The following ITGA4 variants were observed in gnomAD, a reference collection of about 807,000 sequenced individuals.
The protein encoded by ITGA4 is integrin subunit alpha 4.
ITGA4 carries 63 observed loss-of-function variants against 133.6 expected under a neutral mutation model. The observed-to-expected ratio is 0.47, with a 90% CI of 0.38 to 0.58. The LOEUF (loss-of-function observed/expected upper bound fraction) is 0.58, where lower values mean the gene tolerates loss of function less well. ITGA4 is among the 20% of genes least tolerant of loss of function. ITGA4 has a pLI of 0.00. For missense variants in ITGA4, 1,076 were observed against 1,252.7 expected (o/e 0.86, Z 2.13); for synonymous variants, 483 against 438.0 (o/e 1.10, Z -1.28).
At chr2:181,474,896 AGTTTTCTCTTCT>A (rs1685638517) in intron 2 of ITGA4, 52 bp from the exon 3 acceptor site, 3 of 1,224,206 alleles carry the variant, frequency 2.5e-6, no homozygotes, top group Admixed American at 1.9e-5. Context: ...ATGAGTGCAC[AGTTTTCTCTTCT>A]TTTGTAGAAT....
At position 181,537,978 on chromosome 2, in the gene ITGA4, T is replaced by G; in HGVS notation, c.*2451T>G. The G allele has an allele frequency of 1.5e-6, 1 of 664,068 alleles. No individual in the cohort carries two copies. Among genetic ancestry groups the G allele is most frequent in the Non-Finnish European group, 2.8e-6 (1 of 354,876 alleles). 41.1% of individuals were successfully genotyped at this position (664,068 alleles called of 1,614,324 possible). A position where few individuals can be genotyped will look rare whatever the true frequency, so the allele number is the denominator to read the frequency against. On this transcript the variant is annotated 3_prime_UTR_variant, in exon 28 of 28. Coordinates refer to ENST00000397033, the MANE Select transcript of ITGA4 (RefSeq NM_000885.6). Reference sequence around the variant, plus strand: ...ATATGGTGAACTGGTATGTGAGGGATCTAGAGTGCCATGTTCCTCAAGAGA... The same window carrying G: ...ATATGGTGAACTGGTATGTGAGGGAGCTAGAGTGCCATGTTCCTCAAGAGA...
At chr2:181,488,183 A>G (rs1685963279) in intron 10 of ITGA4, among the ~76,000 whole-genome samples, 1 of 152,172 alleles carries the variant, frequency 6.6e-6, no homozygotes, top group Non-Finnish European at 1.5e-5. Context: ...TATCAAAATT[A>G]CTCTATACCT....
At position 181,537,077 on chromosome 2, in the gene ITGA4, C is replaced by T. The variant is rs1328767852; in HGVS notation, c.*1550C>T. On this transcript the variant is annotated 3_prime_UTR_variant, in exon 28 of 28. Transcript: ENST00000397033. ...ATGTAAGCACAAAACCTCCTGAACC[C>T]AGAGTGTGTATACACAGGAATAAAC... 1.6e-5 allele frequency: 7 copies of T among 446,970 alleles called. No individual in the cohort carries two copies. Among genetic ancestry groups the T allele is most frequent in the Admixed American group, 4.8e-5 (2 of 41,742 alleles). 27.7% of individuals were successfully genotyped at this position (446,970 alleles called of 1,614,324 possible).
Position 181,486,004 on chromosome 2 carries a change from T to G in ITGA4, c.1153+12T>G, listed in dbSNP as rs1265640566. ...TGATGGCTTTGAAGGTAATTAAAAT[T>G]ATCAAATTGGTACTTGATTTCTGCT... On this transcript the variant is annotated intron_variant, in intron 10 of 27. Coordinates refer to ENST00000397033, the MANE Select transcript of ITGA4 (RefSeq NM_000885.6). 6.4e-7 allele frequency: 1 copy of G among 1,571,916 alleles called. No individual in the cohort carries two copies. Among genetic ancestry groups the G allele is most frequent in the Non-Finnish European group, 8.6e-7 (1 of 1,165,630 alleles).
chr2:181,489,128 A>G (rs1685986859), intron 10 of ITGA4, among the ~76,000 whole-genome samples: 1 of 152,190 alleles, frequency 6.6e-6, no homozygotes, highest in Non-Finnish European at 1.5e-5. Context: ...GTTCATGGCA[A>G]GAAGTGTAGG....
At position 181,464,919 on chromosome 2, in the gene ITGA4, AT is replaced by A. The variant is rs926310163; in HGVS notation, c.319+6606del. Among the ~76,000 whole-genome samples the A allele has an allele frequency of 7.9e-4, 120 of 152,248 alleles. 1 individual carries two copies. The highest frequency in any genetic ancestry group is 2.7e-3 in the African/African-American group (112 of 41,558). ...GTCTGGGCTCAGTGTGCTTGTTCTC[AT>A]TTTACCTCTGAGAATTTTTAAAAAT... On this transcript the variant is annotated intron_variant, in intron 2 of 27. Transcript: ENST00000397033.
intron 21 of ITGA4, among the ~76,000 whole-genome samples, chr2:181,525,871 T>C (rs1041070157): frequency 2.0e-5 from 3 of 152,148 alleles, no homozygotes; most frequent in Admixed American, 6.5e-5. Flanking sequence ...AAGAAGGAGA[T>C]GTGTGGAGAA....
At chr2:181,512,766 G>A (rs1170882955) in intron 17 of ITGA4, among the ~76,000 whole-genome samples, 5 of 152,104 alleles carry the variant, frequency 3.3e-5, no homozygotes, top group Admixed American at 3.3e-4. Flanking sequence ...ACTGGCAAAT[G>A]TTAAGATAGA....
At position 181,524,200 on chromosome 2, in the gene ITGA4, C is replaced by T. The variant is rs199680477; in HGVS notation, c.2199C>T (p.Ser733=). ...ATATTAGCTTTCTCCTGGATGTGAG[C>T]TCACTCAGCAGAGCGGAAGAGGACC... ...RIDISFLLDV[S]SLSRAEEDLS... Residue 733 remains serine, a synonymous_variant, in exon 20 of 28, where the codon AGC becomes AGT. Transcript: ENST00000397033. The T allele has an allele frequency of 4.5e-5, 72 of 1,604,140 alleles. No homozygotes were observed. The highest frequency in any genetic ancestry group is 6.0e-5 in the Non-Finnish European group (71 of 1,175,240).
At chr2:181,506,493 C>CA (rs1455053130) in intron 15 of ITGA4, among the ~76,000 whole-genome samples, 2 of 152,156 alleles carry the variant, frequency 1.3e-5, no homozygotes, top group African/African-American at 4.8e-5. Context: ...CAGATTTGAA[C>CA]ACCAGTTCTT....
intron 15 of ITGA4, among the ~76,000 whole-genome samples, chr2:181,503,255 C>A (rs190484751): frequency 2.4e-4 from 36 of 152,130 alleles, no homozygotes; most frequent in African/African-American, 8.4e-4. Context: ...GCGGGGAATT[C>A]GGCTGTCAAA....
At chr2:181,529,949 G>A (rs929901428) in intron 23 of ITGA4, among the ~76,000 whole-genome samples, 3 of 152,168 alleles carry the variant, frequency 2.0e-5, no homozygotes, top group Non-Finnish European at 4.4e-5. Context: ...TGGACCTATA[G>A]AGGTAACTTC....
intron 9 of ITGA4, among the ~76,000 whole-genome samples, chr2:181,484,477 C>G (rs1685871924): frequency 6.6e-6 from 1 of 152,156 alleles, no homozygotes; most frequent in African/African-American, 2.4e-5. Context: ...CCTTTTCACC[C>G]TTCCACTCCT....
intron 2 of ITGA4, among the ~76,000 whole-genome samples, chr2:181,472,430 C>T (rs1049858811): frequency 4.6e-5 from 7 of 152,122 alleles, no homozygotes; most frequent in East Asian, 1.9e-4. Flanking sequence ...CTATTATACA[C>T]GCCATATTAT....
rs894661042 is a variant in ITGA4, at chr2:181,536,473, T to C, written c.*946T>C. Among the ~76,000 whole-genome samples the C allele has an allele frequency of 6.6e-6, 1 of 152,120 alleles. No homozygotes were observed. The highest frequency in any genetic ancestry group is 2.1e-4 in the South Asian group (1 of 4,836). On this transcript the variant is annotated 3_prime_UTR_variant, in exon 28 of 28. Transcript: ENST00000397033. ...CAAAGACTAGGGGGCCTATACTTCA[T>C]ATGTATTATGTACTATGTAAAATAT... is the stretch of plus-strand genomic sequence containing the variant.
At position 181,458,137 on chromosome 2, in the gene ITGA4, G is replaced by A; in HGVS notation, c.198-59G>A. ...TGCGGACTGCACATCTGTGGCGACA[G>A]GGAGCTCAGTGGGCAGCACAGCTCA... On this transcript the variant is annotated intron_variant, in intron 1 of 27. Coordinates refer to ENST00000397033, the MANE Select transcript of ITGA4 (RefSeq NM_000885.6). 13 of 1,608,210 alleles carry A rather than the reference G, an allele frequency of 8.1e-6. No individual in the cohort carries two copies. The South Asian group carries it at 1.3e-4, about 16-fold the overall frequency.
intron 20 of ITGA4, 40 bp from the exon 21 acceptor site, chr2:181,525,162 T>G (rs763735198): frequency 2.6e-6 from 3 of 1,147,998 alleles, no homozygotes; most frequent in Non-Finnish European, 4.0e-6. Context: ...AAGATTTTTC[T>G]GCTTGGTGAA....
intron 22 of ITGA4, among the ~76,000 whole-genome samples, chr2:181,529,047 C>CT (rs1307005377): frequency 7.2e-5 from 11 of 152,278 alleles, no homozygotes; most frequent in Admixed American, 4.6e-4. Context: ...GCACAGAGTG[C>CT]TTTTGCGATA....
In ITGA4 at chr2:181,475,410, C is replaced by A. The variant is rs565312666; in HGVS notation, c.556+122C>A. ...GGGAGATCTTCTAAGTAATTATGTT[C>A]TTTTTAACTACTCAATTTCTTTCTT... On this transcript the variant is annotated intron_variant, in intron 4 of 27. Transcript: ENST00000397033. The A allele has an allele frequency of 3.0e-4, 221 of 748,788 alleles. 2 individuals are homozygous for A. In the East Asian group the frequency reaches 5.7e-3, roughly 19 times the overall value. 46.4% of individuals were successfully genotyped at this position (748,788 alleles called of 1,614,324 possible).
Sources: gnomAD v4.1 joint callset for allele counts (sites outside exome capture counted in the v4.1 genomes callset) on GRCh38, gnomAD v4.1.1 for gene constraint, MANE v1.5 for transcripts, NCBI Gene and HGNC (gene_info 2026-07-23, HGNC 2026-07-21) for gene names.